HLA-C: variants seen among roughly 807,000 people sequenced by gnomAD.
HLA-C encodes the protein HLA class I histocompatibility antigen, C alpha chain.
A neutral mutation model predicts 36.9 loss-of-function variants in HLA-C; 15 were observed. The observed-to-expected ratio is 0.41, with a 90% CI of 0.27 to 0.63. The LOEUF is 0.63. Among genes scored for constraint, HLA-C ranks in the 20% least tolerant of loss-of-function variants. The pLI is 0.35. For missense variants in HLA-C, 272 were observed against 400.4 expected (o/e 0.68, Z 2.74); for synonymous variants, 104 against 174.3 (o/e 0.60, Z 3.18).
exon 1 of HLA-C, chr6:31,272,014 T>C: frequency 9.4e-7 from 1 of 1,059,002 alleles, no homozygotes; most frequent in Non-Finnish European, 1.3e-6. Flanking sequence ...CAGGTCTCGG[T>C]CAGGGCCAGG....
In HLA-C at chr6:31,268,947, C is replaced by G. The variant is rs529358989; in HGVS notation, c.*222G>C. 5.2e-4 allele frequency: 251 copies of G among 482,826 alleles called. 1 individual carries two copies. Among genetic ancestry groups the G allele is most frequent in the Admixed American group, 1.1e-3 (32 of 29,848 alleles). The allele number at this position is 482,826 out of a possible 1,614,324, so 29.9% of individuals were successfully genotyped here. On this transcript the variant is annotated 3_prime_UTR_variant, in exon 8 of 8. Transcript: ENST00000376228. ...GAGATGGAGACATCCAGCCCCACCTCTCTGGAACAGGAAAGATGATCGGGG... is the reference window on the plus strand; with the variant it reads ...GAGATGGAGACATCCAGCCCCACCTGTCTGGAACAGGAAAGATGATCGGGG...
chr6:31,271,902 C>T (rs1033237022), intron 1 of HLA-C, 34 bp from the exon 2 acceptor site: 2 of 1,213,942 alleles, frequency 1.6e-6, no homozygotes, highest in Non-Finnish European at 2.2e-6. Context: ...CCCGCCCGAC[C>T]CACCTCCCTG....
intron 2 of HLA-C, 27 bp downstream of exon 2, chr6:31,271,571 AC>A: frequency 8.4e-7 from 1 of 1,191,400 alleles, no homozygotes; most frequent in Non-Finnish European, 1.1e-6. Context: ...AGGGGTCGTG[AC>A]CTGCGCCCCG....
In HLA-C at chr6:31,269,506, GC is replaced by G; in HGVS notation, c.1034del (p.Cys345SerfsTer55). 1.1e-6 allele frequency: 1 copy of G among 908,864 alleles called. No individual in the cohort carries two copies. The highest frequency in any genetic ancestry group is 1.4e-6 in the Non-Finnish European group (1 of 713,738). 56.3% of individuals were successfully genotyped at this position (908,864 alleles called of 1,614,324 possible). On this transcript the variant is annotated frameshift_variant, in exon 6 of 8. Coordinates refer to ENST00000376228, the Ensembl canonical transcript of HLA-C. LOFTEE classifies it high-confidence loss of function. ...GCCATCACTTACACGCAGCCTGAGA[GC>G]AGCTCCCTCCTTTTCCACCTGTGGG... is the stretch of plus-strand genomic sequence containing the variant.
exon 8 of HLA-C, chr6:31,269,123 G>C (rs1049853): frequency 1.5e-6 from 2 of 1,342,484 alleles, no homozygotes; most frequent in Non-Finnish European, 2.1e-6. Context: ...TCACAAAGGA[G>C]AGGTGTGAAG....
Position 31,271,869 on chromosome 6 carries a change from C to G in HLA-C, c.74-1G>C, listed in dbSNP as rs1182262339. 3 of 1,276,118 alleles carry G rather than the reference C, an allele frequency of 2.4e-6. No individual in the cohort carries two copies. Among genetic ancestry groups the G allele is most frequent in the Non-Finnish European group, 3.1e-6 (3 of 961,186 alleles). 79.0% of individuals were successfully genotyped at this position (1,276,118 alleles called of 1,614,324 possible). A position where few individuals can be genotyped will look rare whatever the true frequency, so the allele number is the denominator to read the frequency against. Reference sequence around the variant, plus strand: ...TCGAAATACCTCATGGAGTGGGAGCCTGGGGGCGAGGAGGGGCTGAGACCC... The same window carrying G: ...TCGAAATACCTCATGGAGTGGGAGCGTGGGGGCGAGGAGGGGCTGAGACCC... On this transcript the variant is annotated splice_acceptor_variant, in intron 1 of 7. Transcript: ENST00000376228. LOFTEE classifies it high-confidence loss of function.
chr6:31,269,319 C>G lies in HLA-C; in HGVS notation c.1096+19G>C, dbSNP rs773199105. ...CCCTCTGCCCCACCCCCGACCACTT[C>G]AGCTCCCCAGAATCTCACCTTTACA... On this transcript the variant is annotated intron_variant, in intron 7 of 7. Transcript: ENST00000376228. 1 of 906,230 alleles carries G rather than the reference C, an allele frequency of 1.1e-6. No homozygotes were observed. The highest frequency in any genetic ancestry group is 4.6e-5 in the East Asian group (1 of 21,744). 56.1% of individuals were successfully genotyped at this position (906,230 alleles called of 1,614,324 possible). A position where few individuals can be genotyped will look rare whatever the true frequency, so the allele number is the denominator to read the frequency against.
At position 31,269,788 on chromosome 6, in the gene HLA-C, T is replaced by C. The variant is rs537747274; in HGVS notation, c.1015+178A>G. ...CATAATCATCAAGGTGATACATCCG[T>C]CCTTCATTGTCACATGTGCTTCACA... On this transcript the variant is annotated intron_variant, in intron 5 of 7. Coordinates refer to ENST00000376228, the Ensembl canonical transcript of HLA-C. 4.8e-3 allele frequency: 1,466 copies of C among 307,086 alleles called. 567 individuals carry two copies. The highest frequency in any genetic ancestry group is 2.0e-3 in the Non-Finnish European group (402 of 200,800). The allele number at this position is 307,086 out of a possible 1,614,324, so 19.0% of individuals were successfully genotyped here.
In HLA-C at chr6:31,270,291, C is replaced by T. The variant is rs1050276; in HGVS notation, c.814G>A (p.Val272Met). 1.2e-3 allele frequency: 1,065 copies of T among 882,390 alleles called. 94 individuals are homozygous for T. The highest frequency in any genetic ancestry group is 6.6e-3 in the East Asian group (91 of 13,788). The allele number at this position is 882,390 out of a possible 1,614,324, so 54.7% of individuals were successfully genotyped here. Residue 272 changes from valine to methionine, a missense_variant, in exon 4 of 8, where the codon GTG (valine) becomes ATG (methionine). This residue lies in a region of HLA-C where 24 missense variants were observed against 78.1 expected (regional missense o/e 0.31). Transcript: ENST00000376228. Reference sequence around the variant, plus strand: ...CTCTGCTCTTGTCCAGAAGGCACCACCACAGCTGCCCACTTCTGGAAGGTT... The same window carrying T: ...CTCTGCTCTTGTCCAGAAGGCACCATCACAGCTGCCCACTTCTGGAAGGTT...
In HLA-C at chr6:31,271,059, A is replaced by T; in HGVS notation, c.619+14T>A. On this transcript the variant is annotated intron_variant, in intron 3 of 7. Transcript: ENST00000376228. ...CTATAGGAGATGGGGAAGGCTCCCCACTGCCCCTGGTACCTGCGCGCTGCA... is the reference window on the plus strand; with the variant it reads ...CTATAGGAGATGGGGAAGGCTCCCCTCTGCCCCTGGTACCTGCGCGCTGCA... The T allele has an allele frequency of 1.1e-6, 1 of 889,058 alleles. No individual in the cohort carries two copies. 55.1% of individuals were successfully genotyped at this position (889,058 alleles called of 1,614,324 possible).
rs1336462385 is a variant in HLA-C at position 31,271,942 on chromosome 6, G to C, written c.73+57C>G. On this transcript the variant is annotated intron_variant, in intron 1 of 7. Transcript: ENST00000376228. Reference sequence around the variant, plus strand: ...GCTCCCCGGGTCCTGCGCCCTCGCCGGGAGGGCCCCTCGCTCCTCTCCGCA... The same window carrying C: ...GCTCCCCGGGTCCTGCGCCCTCGCCCGGAGGGCCCCTCGCTCCTCTCCGCA... 2.7e-6 allele frequency: 3 copies of C among 1,109,414 alleles called. 1 individual carries two copies. Among genetic ancestry groups the C allele is most frequent in the Non-Finnish European group, 3.6e-6 (3 of 840,826 alleles). 68.7% of individuals were successfully genotyped at this position (1,109,414 alleles called of 1,614,324 possible).
chr6:31,270,000 C>G, exon 5 of HLA-C: 1 of 835,358 alleles, frequency 1.2e-6, no homozygotes, highest in Non-Finnish European at 1.5e-6. Context: ...TAGCGGTGAC[C>G]ACAGCTCCAA....
chr6:31,271,357 GC>G lies in HLA-C; in HGVS notation c.344-10del. 1 of 947,452 alleles carries G rather than the reference GC, an allele frequency of 1.1e-6. No individual in the cohort carries two copies. The allele number at this position is 947,452 out of a possible 1,614,324, so 58.7% of individuals were successfully genotyped here. On this transcript the variant is annotated splice_polypyrimidine_tract_variant and intron_variant, in intron 2 of 7. Transcript: ENST00000376228. Reference sequence around the variant, plus strand: ...CTGGAGGGTGTGAGACCCTGGCCCCGCCCCCGCGGTCAGCCCAGTCCCCCGA... The same window carrying G: ...CTGGAGGGTGTGAGACCCTGGCCCCGCCCCGCGGTCAGCCCAGTCCCCCGA...
At chr6:31,270,619 TG>T in intron 3 of HLA-C, 134 bp from the exon 4 acceptor site, 2 of 491,258 alleles carry the variant, frequency 4.1e-6, no homozygotes, top group Non-Finnish European at 6.1e-6. Context: ...GACGCCAGCC[TG>T]GACACAGGCA....
chr6:31,271,796 A>G lies in HLA-C; in HGVS notation c.146T>C (p.Val49Ala). The G allele has an allele frequency of 1.0e-5, 14 of 1,394,428 alleles. 1 individual carries two copies. The highest frequency in any genetic ancestry group is 1.4e-5 in the Non-Finnish European group (14 of 1,031,818). The allele number at this position is 1,394,428 out of a possible 1,614,324, so 86.4% of individuals were successfully genotyped here. The change falls in exon 2 of 8, where the codon GTG becomes GCG. Residue 49 changes from valine (V) to alanine (A), a missense_variant. Val to Ala is a moderately conservative substitution (Grantham distance 64). Around this residue, in one of 8 missense-constraint regions of HLA-C, gnomAD observed 20 missense variants for 66.0 expected, o/e 0.30. Coordinates refer to ENST00000376228, the Ensembl canonical transcript of HLA-C. The stretch of plus-strand genomic sequence containing the variant: ...GAACTGCGTGTCGTCCACGTAGCCC[A>G]CTGAGATGAAGCGGGGCTCTCCGCG...
At chr6:31,269,270 G>A in intron 7 of HLA-C, 68 bp downstream of exon 7, 1 of 920,704 alleles carries the variant, frequency 1.1e-6, no homozygotes, top group Non-Finnish European at 1.5e-6. Context: ...CCCAATCAAA[G>A]AATCCCCATT....
intron 6 of HLA-C, 21 bp from the exon 7 acceptor site, chr6:31,269,406 A>C: frequency 1.1e-6 from 1 of 870,894 alleles, no homozygotes; most frequent in Non-Finnish European, 1.5e-6. Context: ...ACAAAAAAAA[A>C]GACCTGGTCA....
In HLA-C at chr6:31,271,272, G is replaced by C. The variant is rs1065406; in HGVS notation, c.420C>G (p.Ser140=). The C allele has an allele frequency of 2.5e-6, 3 of 1,195,196 alleles. 1 individual carries two copies. Among genetic ancestry groups the C allele is most frequent in the East Asian group, 3.8e-5 (1 of 26,588 alleles). The allele number at this position is 1,195,196 out of a possible 1,614,324, so 74.0% of individuals were successfully genotyped here. Residue 140 remains serine, a synonymous_variant, in exon 3 of 8, where the codon TCC becomes TCG. Coordinates refer to ENST00000376228, the Ensembl canonical transcript of HLA-C. ...CGATGTAATCCTTGCCGTCGTAGGC[G>C]GACTGGTCATACCCGCGGAGGAGGC...
Position 31,271,092 on chromosome 6 carries a change from CT to C in HLA-C, c.599del (p.Lys200ArgfsTer14). The C allele has an allele frequency of 3.6e-6, 4 of 1,119,238 alleles. No individual in the cohort carries two copies. The highest frequency in any genetic ancestry group is 1.4e-5 in the South Asian group (1 of 69,444). The allele number at this position is 1,119,238 out of a possible 1,614,324, so 69.3% of individuals were successfully genotyped here. On this transcript the variant is annotated frameshift_variant, in exon 3 of 8. Transcript: ENST00000376228. LOFTEE classifies it high-confidence loss of function. ...TGGTACCTGCGCGCTGCAGCGTCTC[CT>C]TCCCGTTCTCCAGGTATCTGCGGAG...
Sources: allele counts gnomAD v4.1 joint callset, GRCh38; gene constraint gnomAD v4.1.1; regional missense constraint gnomAD v4.1.1; transcripts MANE v1.5; gene names NCBI Gene and HGNC (gene_info 2026-07-23, HGNC 2026-07-21).